The following CADM2 variants were observed in gnomAD, a reference collection of about 807,000 sequenced individuals.
CADM2 encodes the protein cell adhesion molecule 2.
CADM2 carries 12 observed loss-of-function variants against 49.8 expected under a neutral mutation model. The ratio of observed to expected loss-of-function variants is 0.24; its 90% CI spans 0.15 to 0.39. CADM2 has a LOEUF of 0.39. CADM2 is among the 10% of genes least tolerant of loss of function. The probability of loss-of-function intolerance (pLI) is 1.00; values close to 1 mark genes in which losing one functional copy is unlikely to be tolerated. For synonymous variants in CADM2, 214 were observed against 175.4 expected (o/e 1.22, Z -1.74); for missense variants, 378 against 492.3 (o/e 0.77, Z 2.20).
At chr3:85,055,352 T>G (rs1468731333) in intron 1 of CADM2, among the ~76,000 whole-genome samples, 2 of 151,972 alleles carry the variant, frequency 1.3e-5, no homozygotes, top group Non-Finnish European at 2.9e-5. Flanking sequence ...GGAAACTTTC[T>G]TTTCCAAGCC....
chr3:85,751,970 G>T (rs1214493752), intron 2 of CADM2, among the ~76,000 whole-genome samples: 2 of 152,026 alleles, frequency 1.3e-5, no homozygotes, highest in Non-Finnish European at 2.9e-5. Context: ...GATTTTAGAT[G>T]AAATGAATCA....
chr3:85,119,460 G>A (rs187786776), intron 1 of CADM2, among the ~76,000 whole-genome samples: 1 of 152,092 alleles, frequency 6.6e-6, no homozygotes, highest in Non-Finnish European at 1.5e-5. Context: ...TTTTTGCTTA[G>A]GATTGTCTTA....
At chr3:85,593,392 G>C (rs1367589271) in intron 1 of CADM2, among the ~76,000 whole-genome samples, 1 of 151,914 alleles carries the variant, frequency 6.6e-6, no homozygotes, top group African/African-American at 2.4e-5. Context: ...TAAAATTCTA[G>C]AGCCTCAATT....
intron 8 of CADM2, among the ~76,000 whole-genome samples, chr3:85,995,034 A>G (rs1729209594): frequency 6.7e-6 from 1 of 150,356 alleles, no homozygotes; most frequent in Non-Finnish European, 1.5e-5. Context: ...AAAAAAAAAA[A>G]TCATTATCTG....
chr3:85,341,790 A>C (rs540920474), intron 1 of CADM2, among the ~76,000 whole-genome samples: 8 of 152,250 alleles, frequency 5.3e-5, no homozygotes, highest in African/African-American at 1.9e-4. Context: ...TCATTCATTC[A>C]ATCAGTCAGC....
intron 1 of CADM2, among the ~76,000 whole-genome samples, chr3:85,084,099 T>C (rs956454816): frequency 6.6e-6 from 1 of 152,160 alleles, no homozygotes; most frequent in African/African-American, 2.4e-5. Flanking sequence ...CATCGCTCCT[T>C]CTGTGACTGG....
At chr3:85,599,492 TTC>T (rs1209990154) in intron 1 of CADM2, among the ~76,000 whole-genome samples, 1 of 151,840 alleles carries the variant, frequency 6.6e-6, no homozygotes, top group Non-Finnish European at 1.5e-5. Context: ...TCTGCATTCT[TTC>T]TGTCATTAAA....
intron 1 of CADM2, among the ~76,000 whole-genome samples, chr3:85,346,892 G>A (rs1289268241): frequency 6.6e-6 from 1 of 152,020 alleles, no homozygotes; most frequent in Non-Finnish European, 1.5e-5. Context: ...ATGCATTAAA[G>A]CGCAACAAAT....
At chr3:85,949,356 C>G (rs1723115074) in intron 7 of CADM2, among the ~76,000 whole-genome samples, 1 of 151,236 alleles carries the variant, frequency 6.6e-6, no homozygotes, top group Non-Finnish European at 1.5e-5. Flanking sequence ...TTGTATGTCA[C>G]ACCTTAAAGG....
chr3:85,009,736 T>G (rs1187508428), intron 1 of CADM2, among the ~76,000 whole-genome samples: 1 of 151,532 alleles, frequency 6.6e-6, no homozygotes, highest in Non-Finnish European at 1.5e-5. Context: ...TGTGGCAGCG[T>G]GCACCTGTAG....
chr3:85,603,891 A>C (rs1167957963), intron 1 of CADM2, among the ~76,000 whole-genome samples: 1 of 151,964 alleles, frequency 6.6e-6, no homozygotes, highest in African/African-American at 2.4e-5. Flanking sequence ...TTTAATAAGG[A>C]AATGTATCCT....
At chr3:85,032,500 AG>A (rs985673723) in intron 1 of CADM2, among the ~76,000 whole-genome samples, 24 of 152,334 alleles carry the variant, frequency 1.6e-4, no homozygotes, top group Admixed American at 1.3e-3. Context: ...AAAATGTAAA[AG>A]AAACAATCTA....
At chr3:85,110,445 C>G (rs541283528) in intron 1 of CADM2, among the ~76,000 whole-genome samples, 6 of 151,866 alleles carry the variant, frequency 4.0e-5, no homozygotes, top group Non-Finnish European at 7.4e-5. Context: ...TCCCTCCTTT[C>G]TTTATAGCAT....
At chr3:85,799,445 A>G (rs1018300950) in intron 2 of CADM2, among the ~76,000 whole-genome samples, 4 of 152,154 alleles carry the variant, frequency 2.6e-5, no homozygotes, top group Non-Finnish European at 5.9e-5. Flanking sequence ...AATATGTTCC[A>G]TCAATACCTA....
intron 1 of CADM2, among the ~76,000 whole-genome samples, chr3:85,064,786 A>C (rs1209146783): frequency 6.6e-6 from 1 of 152,124 alleles, no homozygotes; most frequent in Non-Finnish European, 1.5e-5. Context: ...GGCTGATTGA[A>C]TAATAGATGA....
At position 85,946,224 on chromosome 3, in the gene CADM2, G is replaced by A. The variant is rs895642823; in HGVS notation, c.791+10367G>A. On this transcript the variant is annotated intron_variant, in intron 7 of 9. Transcript: ENST00000383699. ...ATACCTAGGAATCCAACTTACAAGG[G>A]ATGTGAAGGACCTCTTCAAGGAGAA... 5.9e-5 allele frequency among the ~76,000 whole-genome samples: 9 copies of A among 151,852 alleles called. 1 individual carries two copies. Among genetic ancestry groups the A allele is most frequent in the African/African-American group, 2.2e-4 (9 of 41,336 alleles).
At chr3:85,016,695 A>G (rs765544484) in intron 1 of CADM2, among the ~76,000 whole-genome samples, 2 of 152,126 alleles carry the variant, frequency 1.3e-5, no homozygotes, top group Non-Finnish European at 2.9e-5. Context: ...TGGGACGCTG[A>G]GGCAGGAGAA....
intron 1 of CADM2, among the ~76,000 whole-genome samples, chr3:85,143,771 C>T (rs570058676): frequency 2.2e-4 from 33 of 152,170 alleles, no homozygotes; most frequent in Admixed American, 5.2e-4. Flanking sequence ...CCCCCTATTT[C>T]TATTCTTGGC....
intron 1 of CADM2, among the ~76,000 whole-genome samples, chr3:85,291,132 G>A (rs896792891): frequency 1.3e-5 from 2 of 152,156 alleles, no homozygotes; most frequent in African/African-American, 4.8e-5. Flanking sequence ...CGAGAACTAC[G>A]TGAAGAATGC....
Sources: gnomAD v4.1 joint callset for allele counts (sites outside exome capture counted in the v4.1 genomes callset) on GRCh38, gnomAD v4.1.1 for gene constraint, MANE v1.5 for transcripts, NCBI Gene and HGNC (gene_info 2026-07-23, HGNC 2026-07-21) for gene names.